The following CYREN variants were observed in gnomAD, a reference collection of about 807,000 sequenced individuals.
The protein encoded by CYREN is cell cycle regulator of non-homologous end joining.
A neutral mutation model predicts 9.7 loss-of-function variants in CYREN; 7 were observed. That is an observed-to-expected ratio of 0.72 (90% CI 0.41 to 1.36). CYREN has a LOEUF of 1.36. Among genes scored for constraint, CYREN ranks in the 40% most tolerant of loss-of-function variants. CYREN has a pLI of 0.01. For missense variants in CYREN, 215 were observed against 198.1 expected (o/e 1.09, Z -0.51); for synonymous variants, 76 against 77.9 (o/e 0.98, Z 0.13).
chr7:135,134,410 C>T (rs942844329), intron 2 of CYREN, among the ~76,000 whole-genome samples: 7 of 151,990 alleles, frequency 4.6e-5, no homozygotes, highest in African/African-American at 1.7e-4. Context: ...CTCTCTTAGA[C>T]TCACGTTGAT....
At position 135,167,041 on chromosome 7, in the gene CYREN, CCT is replaced by C. The variant is rs936575764; in HGVS notation, c.214-172_214-171del. The stretch of plus-strand genomic sequence containing the variant: ...ACCCTCTCTTCACCCCACTCCTTCC[CCT>C]GACCCCCTCTTCACAGCTCTTGAAG... On this transcript the variant is annotated intron_variant, in intron 3 of 3. Transcript: ENST00000393114. The C allele has an allele frequency of 1.2e-4, 119 of 985,404 alleles. 1 individual carries two copies. In the African/African-American group the frequency reaches 1.7e-3, roughly 14 times the overall value. 61.0% of individuals were successfully genotyped at this position (985,404 alleles called of 1,614,324 possible).
At chr7:135,165,039 C>CA (rs1830058712), downstream of CYREN, 2 of 1,522,102 alleles carry the variant, frequency 1.3e-6, no homozygotes, top group Non-Finnish European at 8.8e-7. Flanking sequence ...CAACCATGGT[C>CA]AGAGGTGGCA....
chr7:135,137,256 A>G (rs1286320990), intron 2 of CYREN, among the ~76,000 whole-genome samples: 1 of 152,114 alleles, frequency 6.6e-6, no homozygotes, highest in Non-Finnish European at 1.5e-5. Flanking sequence ...ACACTGTAAC[A>G]GAATGAATGA....
intron 2 of CYREN, among the ~76,000 whole-genome samples, chr7:135,120,314 C>A (rs1306267828): frequency 6.6e-6 from 1 of 151,788 alleles, no homozygotes; most frequent in Non-Finnish European, 1.5e-5. Context: ...TATTTAAGAC[C>A]ACTATAAATG....
chr7:135,116,821 A>G (rs187039490), intron 2 of CYREN, among the ~76,000 whole-genome samples: 47 of 152,274 alleles, frequency 3.1e-4, no homozygotes, highest in Non-Finnish European at 6.2e-4. Context: ...AACATTTTCT[A>G]TATCAGTAGG....
downstream of CYREN, among the ~76,000 whole-genome samples, chr7:135,161,102 G>A (rs1829924967): frequency 6.6e-6 from 1 of 152,166 alleles, no homozygotes; most frequent in African/African-American, 2.4e-5. The surrounding 1 kb of genome is among the most constrained non-coding windows in gnomAD (Gnocchi z 4.1). Flanking sequence ...CATAAGAGCT[G>A]GGACTGAATA....
intron 2 of CYREN, among the ~76,000 whole-genome samples, chr7:135,100,513 C>T (rs190350341): frequency 1.1e-4 from 16 of 152,300 alleles, no homozygotes; most frequent in Admixed American, 5.9e-4. Context: ...ATTTGTACAA[C>T]AGAGAGACCA....
chr7:135,136,275 T>C (rs2117383175), intron 2 of CYREN, among the ~76,000 whole-genome samples: 1 of 152,084 alleles, frequency 6.6e-6, no homozygotes, highest in South Asian at 2.1e-4. Flanking sequence ...AGATCTGGGG[T>C]TGAGTGGTCT....
chr7:135,160,342 C>T (rs1224357497), intron 2 of CYREN, among the ~76,000 whole-genome samples: 2 of 152,226 alleles, frequency 1.3e-5, no homozygotes, highest in Non-Finnish European at 2.9e-5. Context: ...GAAGGAAACA[C>T]TGGCTTATCA....
rs889506147 is a variant in CYREN at position 135,166,659 on chromosome 7, C to T, written c.426G>A (p.Glu142=). 73 of 1,608,168 alleles carry T rather than the reference C, an allele frequency of 4.5e-5. No homozygotes were observed. Among genetic ancestry groups the T allele is most frequent in the Non-Finnish European group, 5.9e-5 (70 of 1,179,740 alleles). Residue 142 remains glutamate (E), a synonymous_variant, in exon 4 of 4, where the codon GAG becomes GAA. Transcript: ENST00000393114. ...CGTATTTCAGCACATCCTCTTCCTC[C>T]TCCTCCTCAGGGCTCCTGCTACAGG... ...SSACSRSPEE[E]EEEDVLKYVR... is the part of the protein sequence containing the mutation.
intron 2 of CYREN, among the ~76,000 whole-genome samples, chr7:135,138,920 T>C (rs1409814495): frequency 6.6e-6 from 1 of 151,954 alleles, no homozygotes; most frequent in Non-Finnish European, 1.5e-5. Flanking sequence ...TAAAGGACAC[T>C]ATTTCATTCT....
intron 2 of CYREN, among the ~76,000 whole-genome samples, chr7:135,150,234 C>A (rs1214338297): frequency 6.6e-6 from 1 of 152,138 alleles, no homozygotes; most frequent in Admixed American, 6.5e-5. Flanking sequence ...AATGAAGAAC[C>A]CTTTCAGGAC....
At chr7:135,161,984 C>G (rs1485203124), downstream of CYREN, among the ~76,000 whole-genome samples, 1 of 152,236 alleles carries the variant, frequency 6.6e-6, no homozygotes, top group Non-Finnish European at 1.5e-5. This position sits in a 1 kb window ranked among gnomAD's most constrained non-coding sequence, Gnocchi z 4.1. Flanking sequence ...TATTCACAGG[C>G]CCCAGCTCTC....
At chr7:135,101,988 G>A (rs1823906099) in intron 2 of CYREN, among the ~76,000 whole-genome samples, 1 of 152,084 alleles carries the variant, frequency 6.6e-6, no homozygotes, top group South Asian at 2.1e-4. Flanking sequence ...ATTCTCTCTT[G>A]CCTGCTTCCA....
At chr7:135,162,459 G>C (rs1829967679), downstream of CYREN, among the ~76,000 whole-genome samples, 1 of 152,214 alleles carries the variant, frequency 6.6e-6, no homozygotes, top group Non-Finnish European at 1.5e-5. Context: ...GAGATACCCA[G>C]TAATTTGAAA....
downstream of CYREN, among the ~76,000 whole-genome samples, chr7:135,162,878 A>G (rs983721830): frequency 1.3e-5 from 2 of 152,258 alleles, no homozygotes; most frequent in African/African-American, 4.8e-5. Context: ...ACGGAGTGAA[A>G]AGAATTTTTT....
chr7:135,152,615 T>G (rs1829691838), intron 2 of CYREN, among the ~76,000 whole-genome samples: 1 of 152,258 alleles, frequency 6.6e-6, no homozygotes, highest in Admixed American at 6.5e-5. Context: ...TTTTGAGGTC[T>G]GTTTTTAATT....
intron 2 of CYREN, among the ~76,000 whole-genome samples, chr7:135,097,350 TG>T (rs1823060292): frequency 6.6e-6 from 1 of 152,142 alleles, no homozygotes; most frequent in South Asian, 2.1e-4. Context: ...AAAATCCCCA[TG>T]GCTTTTAGGT....
downstream of CYREN, among the ~76,000 whole-genome samples, chr7:135,163,147 T>A (rs116589835): frequency 2.5e-3 from 375 of 152,332 alleles, 2 homozygotes; most frequent in African/African-American, 8.5e-3. Flanking sequence ...CCACATGAAC[T>A]ATTGCACAGC....
Sources: gnomAD v4.1 joint callset for allele counts (sites outside exome capture counted in the v4.1 genomes callset) on GRCh38, gnomAD v4.1.1 for gene constraint, Gnocchi (gnomAD v3.1) non-coding constraint, MANE v1.5 for transcripts, NCBI Gene and HGNC (gene_info 2026-07-23, HGNC 2026-07-21) for gene names.